The following MYOM2 variants were observed in gnomAD, a reference collection of about 807,000 sequenced individuals.
MYOM2 encodes the protein myomesin 2, also known as myomesin-2.
A neutral mutation model predicts 187.6 loss-of-function variants in MYOM2; 254 were observed. The observed-to-expected ratio is 1.35, with a 90% CI of 1.22 to 1.50. The LOEUF (loss-of-function observed/expected upper bound fraction) is 1.50. Ranked by LOEUF, MYOM2 falls within the 40% of genes most tolerant of loss-of-function variation. MYOM2 has a pLI of 0.00. For synonymous variants in MYOM2, 981 were observed against 753.8 expected (o/e 1.30, Z -4.94); for missense variants, 2,796 against 1,924.0 (o/e 1.45, Z -8.48).
chr8:2,125,024 C>G (rs552370167), intron 31 of MYOM2, among the ~76,000 whole-genome samples: 1 of 152,116 alleles, frequency 6.6e-6, no homozygotes, highest in African/African-American at 2.4e-5. Flanking sequence ...TAGTTTCTCC[C>G]AATCCATGGG....
chr8:2,097,865 T>C (rs1489820327), intron 18 of MYOM2, among the ~76,000 whole-genome samples: 2 of 152,240 alleles, frequency 1.3e-5, no homozygotes, highest in Non-Finnish European at 2.9e-5. Context: ...AACACATTAT[T>C]ATGGGCTAAA....
At chr8:2,134,989 C>G (rs906198317) in intron 32 of MYOM2, among the ~76,000 whole-genome samples, 27 of 152,110 alleles carry the variant, frequency 1.8e-4, no homozygotes, top group African/African-American at 4.8e-4. Flanking sequence ...CACGGAGGCA[C>G]ACACTCGCTC....
chr8:2,145,029 G>T lies in MYOM2; in HGVS notation c.*48G>T. ...TGGGAAAATATGCTTGGCAGAGACA[G>T]GAATGCTGTGTGCTTGTTCCAAATG... On this transcript the variant is annotated 3_prime_UTR_variant, in exon 37 of 37. Coordinates refer to ENST00000262113, the MANE Select transcript of MYOM2 (RefSeq NM_003970.4). 6.3e-7 allele frequency: 1 copy of T among 1,596,300 alleles called. No homozygotes were observed. The highest frequency in any genetic ancestry group is 8.5e-7 in the Non-Finnish European group (1 of 1,170,244).
chr8:2,140,627 G>T, intron 32 of MYOM2, 96 bp from the exon 33 acceptor site: 2 of 1,278,148 alleles, frequency 1.6e-6, no homozygotes, highest in Non-Finnish European at 1.1e-6. Flanking sequence ...CAGCAGCTTA[G>T]AGAAGGCTGT....
At chr8:2,100,129 T>TTTCCTTCCTTCCTTCCTTCCTTCCTTCC (rs71211554) in intron 19 of MYOM2, among the ~76,000 whole-genome samples, 5 of 45,572 alleles carry the variant, frequency 1.1e-4, no homozygotes, top group African/African-American at 1.6e-4. Flanking sequence ...TCCTTCCTTC[T>TTTCCTTCCTTCCTTCCTTCCTTCCTTCC]TTCCTTCCTT....
chr8:2,129,320 TCAA>T, intron 32 of MYOM2, 88 bp downstream of exon 32: 1 of 775,258 alleles, frequency 1.3e-6, no homozygotes, highest in Non-Finnish European at 2.2e-6. Flanking sequence ...CTGGGGAACA[TCAA>T]GGCACTGCCA....
chr8:2,134,011 G>A (rs879890003), intron 32 of MYOM2, among the ~76,000 whole-genome samples: 4,915 of 129,522 alleles, frequency 0.038, no homozygotes, highest in African/African-American at 0.1. Flanking sequence ...TTAACGCCTT[G>A]TGTAGCCACC....
chr8:2,111,439 C>T (rs891164684), intron 25 of MYOM2, among the ~76,000 whole-genome samples: 9 of 152,212 alleles, frequency 5.9e-5, no homozygotes, highest in African/African-American at 2.2e-4. Context: ...AGAATCTACT[C>T]AGTGAGAATC....
intron 32 of MYOM2, among the ~76,000 whole-genome samples, chr8:2,133,625 T>C (rs1797953041): frequency 6.6e-6 from 1 of 152,016 alleles, no homozygotes; most frequent in Non-Finnish European, 1.5e-5. Flanking sequence ...CATGCCTGGC[T>C]AATTTTTGTA....
intron 32 of MYOM2, among the ~76,000 whole-genome samples, chr8:2,135,236 A>G (rs1798027739): frequency 1.3e-5 from 2 of 152,222 alleles, no homozygotes; most frequent in South Asian, 4.1e-4. Flanking sequence ...ACTAGAGTTC[A>G]GTGTTTCCTA....
chr8:2,049,068 G>A (rs1300954265), intron 1 of MYOM2, among the ~76,000 whole-genome samples: 1 of 152,200 alleles, frequency 6.6e-6, no homozygotes, highest in East Asian at 1.9e-4. Context: ...TGGGTTTACA[G>A]GTGTGAGCTA....
At chr8:2,120,788 G>A (rs1439424098) in intron 28 of MYOM2, among the ~76,000 whole-genome samples, 2 of 139,252 alleles carry the variant, frequency 1.4e-5, no homozygotes, top group African/African-American at 5.3e-5. Context: ...AATTTATATA[G>A]ATATATAATT....
intron 27 of MYOM2, among the ~76,000 whole-genome samples, chr8:2,116,533 A>C (rs1267796858): frequency 2.6e-5 from 4 of 152,214 alleles, no homozygotes; most frequent in Non-Finnish European, 5.9e-5. Context: ...ATGGGGGTAG[A>C]GGAGGTGGTG....
chr8:2,109,292 C>T, intron 24 of MYOM2, 103 bp from the exon 25 acceptor site: 2 of 1,338,876 alleles, frequency 1.5e-6, no homozygotes, highest in Non-Finnish European at 2.0e-6. Flanking sequence ...TTCACATTCT[C>T]AAAAATCTAA....
At chr8:2,119,769 G>A (rs1387072542) in intron 28 of MYOM2, among the ~76,000 whole-genome samples, 4 of 152,136 alleles carry the variant, frequency 2.6e-5, no homozygotes, top group African/African-American at 7.2e-5. Context: ...GGGAGCACAT[G>A]GGGACACAGG....
At chr8:2,069,197 G>C in intron 6 of MYOM2, 81 bp from the exon 7 acceptor site, 1 of 1,357,542 alleles carries the variant, frequency 7.4e-7, no homozygotes, top group Non-Finnish European at 1.0e-6. Flanking sequence ...ATTTGCTTTC[G>C]AGGAATGCTT....
intron 28 of MYOM2, 134 bp downstream of exon 28, chr8:2,118,086 G>C: frequency 4.5e-6 from 3 of 673,242 alleles, no homozygotes; most frequent in Non-Finnish European, 7.5e-6. Context: ...AGCTGCGGAT[G>C]GGCGGAGTGG....
intron 14 of MYOM2, among the ~76,000 whole-genome samples, chr8:2,086,439 CCCCCTACTGTCGTGAT>C (rs1796065020): frequency 3.4e-5 from 5 of 147,838 alleles, no homozygotes; most frequent in Non-Finnish European, 4.4e-5. Context: ...CTCTGCGTGG[CCCCCTACTGTCGTGAT>C]CTCCACGTGG....
At chr8:2,100,616 G>A in intron 19 of MYOM2, 1 of 474,746 alleles carries the variant, frequency 2.1e-6, no homozygotes. Flanking sequence ...TGCTGGTCCC[G>A]AGAATGCAGT....
Sources: gnomAD v4.1 joint callset for allele counts (sites outside exome capture counted in the v4.1 genomes callset) on GRCh38, gnomAD v4.1.1 for gene constraint, MANE v1.5 for transcripts, NCBI Gene and HGNC (gene_info 2026-07-23, HGNC 2026-07-21) for gene names.